The following ARHGAP42 variants were observed in gnomAD, a reference collection of about 807,000 sequenced individuals.
ARHGAP42 encodes the protein Rho GTPase activating protein 42, also known as rho GTPase-activating protein 42.
In ARHGAP42, 63 loss-of-function variants were observed where a neutral mutation model predicts 125.0. The ratio of observed to expected loss-of-function variants is 0.50; its 90% CI spans 0.41 to 0.62. ARHGAP42 has a LOEUF of 0.62. ARHGAP42 is among the 20% of genes least tolerant of loss of function. The pLI is 0.00. For synonymous variants in ARHGAP42, 339 were observed against 351.0 expected, an observed-to-expected ratio of 0.97 and a Z score of 0.38; for missense variants, 766 against 1,024.2, an observed-to-expected ratio of 0.75 and a Z score of 3.44.
chr11:100,705,013 CA>C (rs1211966921), intron 1 of ARHGAP42, among the ~76,000 whole-genome samples: 926 of 54,752 alleles, frequency 0.017, 7 homozygotes, highest in East Asian at 0.075. Flanking sequence ...ACAACAACAA[CA>C]AAAAAAAAAA....
At chr11:100,803,493 T>C (rs1863914236) in intron 3 of ARHGAP42, among the ~76,000 whole-genome samples, 1 of 152,124 alleles carries the variant, frequency 6.6e-6, no homozygotes, top group Non-Finnish European at 1.5e-5. Context: ...AGGTAGAGTC[T>C]AATGTCCTCC....
chr11:100,691,993 G>C (rs984901346), intron 1 of ARHGAP42, among the ~76,000 whole-genome samples: 4 of 148,318 alleles, frequency 2.7e-5, no homozygotes, highest in Non-Finnish European at 4.5e-5. Context: ...ACTTTTATTT[G>C]TCAATAAAAA....
At chr11:100,972,497 G>A (rs1565301468) in intron 17 of ARHGAP42, among the ~76,000 whole-genome samples, 1 of 151,580 alleles carries the variant, frequency 6.6e-6, no homozygotes, top group Non-Finnish European at 1.5e-5. Flanking sequence ...CCAATACTAG[G>A]GAGGTACTCA....
chr11:100,791,500 G>C (rs1469118433), intron 2 of ARHGAP42, among the ~76,000 whole-genome samples: 1 of 151,962 alleles, frequency 6.6e-6, no homozygotes, highest in East Asian at 1.9e-4. Context: ...GGCTTAAAAA[G>C]TTAGGCCACT....
intron 21 of ARHGAP42, among the ~76,000 whole-genome samples, chr11:100,978,384 A>C (rs1227452972): frequency 1.3e-5 from 2 of 152,156 alleles, no homozygotes; most frequent in African/African-American, 4.8e-5. Context: ...AAACTCTTTC[A>C]ATTCTTTTTA....
intron 3 of ARHGAP42, among the ~76,000 whole-genome samples, chr11:100,822,798 C>T (rs534422006): frequency 1.6e-4 from 24 of 152,166 alleles, no homozygotes; most frequent in African/African-American, 5.5e-4. Flanking sequence ...TTACTTATGA[C>T]CAAAGGGTGG....
rs774493680 is a variant in ARHGAP42, at chr11:100,992,317, A to G, written c.*3516A>G. Reference sequence around the variant, plus strand: ...AACTCACAGCTGTTAGCATGACCTCACATCACTGCGTAGGACCCGGAAATC... The same window carrying G: ...AACTCACAGCTGTTAGCATGACCTCGCATCACTGCGTAGGACCCGGAAATC... On this transcript the variant is annotated 3_prime_UTR_variant, in exon 24 of 24. Coordinates refer to ENST00000298815, the MANE Select transcript of ARHGAP42 (RefSeq NM_152432.4). 2.5e-6 allele frequency: 4 copies of G among 1,599,626 alleles called. No homozygotes were observed. Among genetic ancestry groups the G allele is most frequent in the South Asian group, 2.3e-5 (2 of 88,110 alleles).
chr11:100,810,207 A>T (rs74565354), intron 3 of ARHGAP42, among the ~76,000 whole-genome samples: 7,857 of 152,268 alleles, frequency 0.052, 255 homozygotes, highest in East Asian at 0.18. Flanking sequence ...ATTAAAAAAA[A>T]ATATAAAGAT....
chr11:100,940,786 A>G (rs1221497091), intron 8 of ARHGAP42, among the ~76,000 whole-genome samples: 2 of 152,110 alleles, frequency 1.3e-5, no homozygotes, highest in Non-Finnish European at 2.9e-5. Context: ...TTCATTATTC[A>G]TTTGTCAATA....
intron 10 of ARHGAP42, among the ~76,000 whole-genome samples, chr11:100,945,790 G>A (rs1867999512): frequency 6.6e-6 from 1 of 152,086 alleles, no homozygotes; most frequent in Admixed American, 6.6e-5. Flanking sequence ...CACAGGTAGA[G>A]TAGATTTAGC....
At chr11:100,863,004 T>C (rs1258805981) in intron 4 of ARHGAP42, among the ~76,000 whole-genome samples, 1 of 140,398 alleles carries the variant, frequency 7.1e-6, no homozygotes, top group African/African-American at 2.7e-5. Context: ...GCCATTTCAC[T>C]GCAGCCTGGG....
intron 4 of ARHGAP42, among the ~76,000 whole-genome samples, chr11:100,896,027 G>A (rs1378817157): frequency 1.3e-5 from 2 of 152,064 alleles, no homozygotes; most frequent in East Asian, 3.9e-4. Context: ...GGTGTGTGAT[G>A]TACCCTGCCC....
intron 3 of ARHGAP42, among the ~76,000 whole-genome samples, chr11:100,852,691 G>A (rs1228186734): frequency 6.6e-6 from 1 of 152,162 alleles, no homozygotes; most frequent in African/African-American, 2.4e-5. Flanking sequence ...TTTGAGGTGG[G>A]AGAATGGGAG....
intron 4 of ARHGAP42, among the ~76,000 whole-genome samples, chr11:100,905,460 T>G (rs1288272130): frequency 1.3e-5 from 2 of 152,214 alleles, no homozygotes; most frequent in Non-Finnish European, 2.9e-5. Context: ...ACTTCAAACA[T>G]ATTTCCCTTC....
chr11:100,694,307 TAAAC>T (rs1861239480), intron 1 of ARHGAP42, among the ~76,000 whole-genome samples: 1 of 152,160 alleles, frequency 6.6e-6, no homozygotes, highest in Non-Finnish European at 1.5e-5. Flanking sequence ...TCTAGATTCA[TAAAC>T]AAATAATATC....
chr11:100,869,050 G>A (rs1269289715), intron 4 of ARHGAP42, among the ~76,000 whole-genome samples: 1 of 151,666 alleles, frequency 6.6e-6, no homozygotes, highest in Non-Finnish European at 1.5e-5. Flanking sequence ...TTGTTTCATG[G>A]TCACACTTTA....
chr11:100,756,222 C>CAAAAAAAAA (rs56164175), intron 1 of ARHGAP42, among the ~76,000 whole-genome samples: 1 of 47,930 alleles, frequency 2.1e-5, no homozygotes, highest in Non-Finnish European at 3.7e-5. Context: ...CTTGTCTCTA[C>CAAAAAAAAA]AAAAAAAAAA....
At chr11:100,730,554 AG>A (rs1248577563) in intron 1 of ARHGAP42, among the ~76,000 whole-genome samples, 10 of 152,254 alleles carry the variant, frequency 6.6e-5, no homozygotes, top group Non-Finnish European at 1.5e-5. Flanking sequence ...TTCTTTCGCA[AG>A]GGCTATCAGA....
In ARHGAP42 at chr11:100,976,288, A is replaced by T. The variant is rs1426681612; in HGVS notation, c.2087A>T (p.Asp696Val). Residue 696 changes from aspartate to valine, a missense_variant, in exon 20 of 24, where the codon GAT (aspartate) becomes GTT (valine). Physicochemically the swap from Asp to Val is radical, Grantham distance 152. This residue lies in a region of ARHGAP42 where 308 missense variants were observed against 369.7 expected (regional missense o/e 0.83). Transcript: ENST00000298815. ...TCCAGAGAAGATGCAACCAAGACAG[A>T]TGCAGAATCAGACTGCCAGAGTGTT... ...SSSREDATKT[D>V]AESDCQSVAS... The T allele has an allele frequency of 6.4e-7, 1 of 1,551,760 alleles. No individual in the cohort carries two copies. Among genetic ancestry groups the T allele is most frequent in the Admixed American group, 2.0e-5 (1 of 51,004 alleles).
Sources: allele counts gnomAD v4.1 joint callset (sites outside exome capture counted in the v4.1 genomes callset), GRCh38; gene constraint gnomAD v4.1.1; regional missense constraint gnomAD v4.1.1; transcripts MANE v1.5; gene names NCBI Gene and HGNC (gene_info 2026-07-23, HGNC 2026-07-21).